ZNF572: variants seen among roughly 807,000 people sequenced by gnomAD.
ZNF572 encodes the protein zinc finger protein 572.
ZNF572 carries 2 observed loss-of-function variants against 3.8 expected under a neutral mutation model. The observed-to-expected ratio is 0.52, with a 90% CI of 0.21 to 1.65. The LOEUF is 1.65. ZNF572 is among the 40% of genes most tolerant of loss of function. The pLI, the probability that ZNF572 is intolerant of heterozygous loss-of-function variation, is 0.20. For synonymous variants in ZNF572, 187 were observed against 204.5 expected (o/e 0.91, Z 0.73); for missense variants, 581 against 633.4 (o/e 0.92, Z 0.89).
chr8:124,979,159 T>A lies in ZNF572; in HGVS notation c.*1301T>A, dbSNP rs1357457364. Reference sequence around the variant, plus strand: ...CTGAGTTGCCCATGATTTCATCTAATTTTTGGATTCAGAATGTATTTTATG... The same window carrying A: ...CTGAGTTGCCCATGATTTCATCTAAATTTTGGATTCAGAATGTATTTTATG... On this transcript the variant is annotated 3_prime_UTR_variant, in exon 3 of 3. Transcript: ENST00000319286. The A allele has an allele frequency of 6.6e-6, 1 of 152,642 alleles. No individual in the cohort carries two copies. Among genetic ancestry groups the A allele is most frequent in the Non-Finnish European group, 1.5e-5 (1 of 68,038 alleles). 9.5% of individuals were successfully genotyped at this position (152,642 alleles called of 1,614,324 possible).
chr8:124,974,785 G>T (rs1814485302), intron 1 of ZNF572, among the ~76,000 whole-genome samples: 1 of 151,980 alleles, frequency 6.6e-6, no homozygotes, highest in Non-Finnish European at 1.5e-5. Context: ...TCTGCCTCCT[G>T]GGTTCAAGCG....
intron 1 of ZNF572, among the ~76,000 whole-genome samples, chr8:124,974,202 A>G (rs1225115290): frequency 3.9e-5 from 6 of 152,204 alleles, no homozygotes; most frequent in Non-Finnish European, 5.9e-5. Context: ...AGTATTCTAA[A>G]TATTCTAAAA....
Position 124,976,710 on chromosome 8 carries a change from C to A in ZNF572, c.442C>A (p.Arg148Ser). The A allele has an allele frequency of 1.2e-6, 2 of 1,614,152 alleles. No individual in the cohort carries two copies. The highest frequency in any genetic ancestry group is 1.7e-6 in the Non-Finnish European group (2 of 1,180,014). ...AAGCTTCAGTAATAGTTCTCATTTG[C>A]GTACTCACCAGAGGACCCACTCAGG... Reference protein sequence around the residue: ...WKSFSNSSHLRTHQRTHSGEK... With the variant: ...WKSFSNSSHLSTHQRTHSGEK... The change falls in exon 3 of 3, where the codon CGT (arginine) becomes AGT (serine). Residue 148 changes from arginine (R) to serine (S), a missense_variant. Transcript: ENST00000319286.
At position 124,978,331 on chromosome 8, in the gene ZNF572, T is replaced by A. The variant is rs983249753; in HGVS notation, c.*473T>A. 6 of 156,864 alleles carry A rather than the reference T, an allele frequency of 3.8e-5. No individual in the cohort carries two copies. Among genetic ancestry groups the A allele is most frequent in the Admixed American group, 3.7e-4 (6 of 16,004 alleles). 9.7% of individuals were successfully genotyped at this position (156,864 alleles called of 1,614,324 possible). A position where few individuals can be genotyped will look rare whatever the true frequency, so the allele number is the denominator to read the frequency against. On this transcript the variant is annotated 3_prime_UTR_variant, in exon 3 of 3. Coordinates refer to ENST00000319286, the MANE Select transcript of ZNF572 (RefSeq NM_152412.3). Reference sequence around the variant, plus strand: ...AAGATTTTTTTTTTTCAAATGCATTTTTAGTCACTAAAAATTAACTGTCGT... The same window carrying A: ...AAGATTTTTTTTTTTCAAATGCATTATTAGTCACTAAAAATTAACTGTCGT...
At chr8:124,975,754 A>G in intron 2 of ZNF572, 35 bp downstream of exon 2, 1 of 1,546,172 alleles carries the variant, frequency 6.5e-7, no homozygotes, top group East Asian at 2.2e-5. Context: ...AATCCTTAGG[A>G]AATTTGATGT....
chr8:124,974,884 G>C (rs920682872), intron 1 of ZNF572, among the ~76,000 whole-genome samples: 1 of 152,018 alleles, frequency 6.6e-6, no homozygotes, highest in African/African-American at 2.4e-5. Flanking sequence ...GTAGAGATGG[G>C]GTTTCACCGC....
chr8:124,974,582 A>AT (rs1442178427), intron 1 of ZNF572, among the ~76,000 whole-genome samples: 1 of 152,096 alleles, frequency 6.6e-6, no homozygotes, highest in Non-Finnish European at 1.5e-5. Context: ...TTACGTCCTT[A>AT]TTTTTCTCCC....
Position 124,976,658 on chromosome 8 carries a change from A to C in ZNF572, c.390A>C (p.Arg130Ser). Residue 130 changes from arginine (R) to serine (S), a missense_variant, in exon 3 of 3, where the codon AGA becomes AGC. Physicochemically the swap from Arg to Ser is moderately radical, Grantham distance 110. Transcript: ENST00000319286. ...AGCAGAATTCATCCTTTGTAGACAG[A>C]CCCTATAAATGTTCCGAATGTTGGA... is the stretch of plus-strand genomic sequence containing the variant. The part of the protein sequence containing the change: ...CVQQNSSFVD[R>S]PYKCSECWKS... 1 of 1,614,188 alleles carries C rather than the reference A, an allele frequency of 6.2e-7. No homozygotes were observed. Among genetic ancestry groups the C allele is most frequent in the Non-Finnish European group, 8.5e-7 (1 of 1,180,024 alleles).
rs1273957690 is a variant in ZNF572 at position 124,977,624 on chromosome 8, C to G, written c.1356C>G (p.Ser452Arg). 1.1e-5 allele frequency: 17 copies of G among 1,614,176 alleles called. No homozygotes were observed. Among genetic ancestry groups the G allele is most frequent in the Non-Finnish European group, 1.4e-5 (17 of 1,180,006 alleles). The change falls in exon 3 of 3, where the codon AGC becomes AGG. Residue 452 changes from serine (S) to arginine (R), a missense_variant. Ser to Arg is a moderately radical substitution (Grantham distance 110, BLOSUM62 -1). Transcript: ENST00000319286. ...CPDCGESFSQSFNLIRHRRTH... is the reference protein window; with the variant it reads ...CPDCGESFSQRFNLIRHRRTH... ...ATTGTGGTGAAAGCTTCAGTCAGAGCTTTAACCTTATCAGGCACCGGAGGA... is the reference window on the plus strand; with the variant it reads ...ATTGTGGTGAAAGCTTCAGTCAGAGGTTTAACCTTATCAGGCACCGGAGGA...
Position 124,979,013 on chromosome 8 carries a change from C to T in ZNF572, c.*1155C>T, listed in dbSNP as rs926016042. On this transcript the variant is annotated 3_prime_UTR_variant, in exon 3 of 3. Transcript: ENST00000319286. The stretch of plus-strand genomic sequence containing the variant: ...TATATGGATCTGATAACTGAGGTCC[C>T]ATCTTCCCTACTCATTCCTATGGGA... 2 of 152,192 alleles carry T rather than the reference C, an allele frequency of 1.3e-5. No individual in the cohort carries two copies. The highest frequency in any genetic ancestry group is 4.8e-5 in the African/African-American group (2 of 41,440). 9.4% of individuals were successfully genotyped at this position (152,192 alleles called of 1,614,324 possible).
rs1400324073 is a variant in ZNF572 at position 124,977,745 on chromosome 8, A to G, written c.1477A>G (p.Lys493Glu). 4.3e-6 allele frequency: 7 copies of G among 1,614,072 alleles called. No individual in the cohort carries two copies. Among genetic ancestry groups the G allele is most frequent in the Non-Finnish European group, 5.9e-6 (7 of 1,180,026 alleles). ...LSQHRKIHVE[K>E]PFESPDVGDF... The stretch of plus-strand genomic sequence containing the variant: ...TCAGCATCGGAAAATTCACGTAGAA[A>G]AGCCTTTTGAGTCTCCCGACGTTGG... The change falls in exon 3 of 3, where the codon AAG becomes GAG. Residue 493 changes from lysine to glutamate, a missense_variant. Coordinates refer to ENST00000319286, the MANE Select transcript of ZNF572 (RefSeq NM_152412.3).
In ZNF572 at chr8:124,977,531, C is replaced by A. The variant is rs1160954918; in HGVS notation, c.1263C>A (p.Phe421Leu). The A allele has an allele frequency of 6.2e-7, 1 of 1,614,184 alleles. No individual in the cohort carries two copies. Among genetic ancestry groups the A allele is most frequent in the Non-Finnish European group, 8.5e-7 (1 of 1,180,032 alleles). The change falls in exon 3 of 3, where the codon TTC (phenylalanine) becomes TTA (leucine). Residue 421 changes from phenylalanine to leucine, a missense_variant. Phe to Leu is a conservative substitution (Grantham distance 22, BLOSUM62 0). Transcript: ENST00000319286. Reference protein sequence around the residue: ...PYRCSECWKTFSQSSTLVIHQ... With the variant: ...PYRCSECWKTLSQSSTLVIHQ... ...GATGTTCTGAGTGCTGGAAAACTTT[C>A]AGTCAGAGTTCCACCCTGGTGATTC... is the stretch of plus-strand genomic sequence containing the variant.
chr8:124,974,253 C>T lies in ZNF572; in HGVS notation c.-36+837C>T, dbSNP rs540246412. ...GATTCTTTGCAGTTTGGGATTATGC[C>T]CAGCTCTGCTTCCTGTTCTAGTTTA... On this transcript the variant is annotated intron_variant, in intron 1 of 2. Coordinates refer to ENST00000319286, the MANE Select transcript of ZNF572 (RefSeq NM_152412.3). 2.0e-5 allele frequency among the ~76,000 whole-genome samples: 3 copies of T among 152,284 alleles called. No homozygotes were observed. The East Asian group carries it at 5.8e-4, about 29-fold the overall frequency.
intron 1 of ZNF572, among the ~76,000 whole-genome samples, chr8:124,975,153 T>C (rs571791276): frequency 6.6e-6 from 1 of 152,356 alleles, no homozygotes; most frequent in South Asian, 2.1e-4. Context: ...CTTCAAAGGT[T>C]TCCTTCTGTC....
chr8:124,977,367 C>A lies in ZNF572; in HGVS notation c.1099C>A (p.Gln367Lys). 1 of 1,614,120 alleles carries A rather than the reference C, an allele frequency of 6.2e-7. No homozygotes were observed. Among genetic ancestry groups the A allele is most frequent in the South Asian group, 1.1e-5 (1 of 91,070 alleles). Residue 367 changes from glutamine to lysine, a missense_variant, in exon 3 of 3, where the codon CAG (glutamine) becomes AAG (lysine). By Grantham distance (53) the Gln-to-Lys change is moderately conservative (BLOSUM62 1). Transcript: ENST00000319286. ...TTCTGAATATGAGGAAAGTTTGGGT[C>A]AGAACTGCAATGTGATAGAAGAATG... ...ESSEYEESLG[Q>K]NCNVIEECRI...
Position 124,976,673 on chromosome 8 carries a change from C to T in ZNF572, c.405C>T (p.Ser135=), listed in dbSNP as rs146335987. 2.0e-4 allele frequency: 321 copies of T among 1,614,126 alleles called. 1 individual carries two copies. The African/African-American group carries it at 2.2e-3, about 11-fold the overall frequency. Residue 135 remains serine, a synonymous_variant, in exon 3 of 3, where the codon TCC becomes TCT. Transcript: ENST00000319286. The part of the protein sequence containing the change: ...SSFVDRPYKC[S]ECWKSFSNSS... ...TTGTAGACAGACCCTATAAATGTTC[C>T]GAATGTTGGAAAAGCTTCAGTAATA... is the stretch of plus-strand genomic sequence containing the variant.
In ZNF572 at chr8:124,977,210, T is replaced by C. The variant is rs1255672493; in HGVS notation, c.942T>C (p.Thr314=). 3.1e-6 allele frequency: 5 copies of C among 1,612,062 alleles called. No individual in the cohort carries two copies. In the Admixed American group the frequency reaches 5.0e-5, roughly 16 times the overall value. Residue 314 remains threonine, a synonymous_variant, in exon 3 of 3, where the codon ACT becomes ACC. Transcript: ENST00000319286. ...ECEKSFGCNS[T]LIKHQRIHTG... is the part of the protein sequence containing the mutation. ...AAAAAAGCTTTGGTTGTAATTCTAC[T>C]CTAATAAAACATCAGAGAATACATA... is the stretch of plus-strand genomic sequence containing the variant.
At chr8:124,975,577 C>T in intron 1 of ZNF572, 29 bp from the exon 2 acceptor site, 1 of 1,349,896 alleles carries the variant, frequency 7.4e-7, no homozygotes, top group Non-Finnish European at 1.1e-6. Flanking sequence ...TAACAAATAC[C>T]TCCAAACATA....
intron 1 of ZNF572, among the ~76,000 whole-genome samples, chr8:124,975,159 C>T (rs923836969): frequency 6.6e-6 from 1 of 152,152 alleles, no homozygotes; most frequent in African/African-American, 2.4e-5. Flanking sequence ...AGGTTTCCTT[C>T]TGTCAAGACC....
Sources: gnomAD v4.1 joint callset for allele counts (sites outside exome capture counted in the v4.1 genomes callset) on GRCh38, gnomAD v4.1.1 for gene constraint, MANE v1.5 for transcripts, NCBI Gene and HGNC (gene_info 2026-07-23, HGNC 2026-07-21) for gene names.